SVEP1: variants seen among roughly 807,000 people sequenced by gnomAD.
SVEP1 encodes sushi, von Willebrand factor type A, EGF and pentraxin domain-containing protein 1.
A neutral mutation model predicts 367.3 loss-of-function variants in SVEP1; 164 were observed. The ratio of observed to expected loss-of-function variants is 0.45; its 90% confidence interval spans 0.39 to 0.51. The LOEUF (loss-of-function observed/expected upper bound fraction) is 0.51, where lower values mean the gene tolerates loss of function less well. SVEP1 is among the 20% of genes least tolerant of loss of function. The pLI is 0.00. For missense variants in SVEP1, 4,117 were observed against 4,425.3 expected (o/e 0.93, Z 1.98); for synonymous variants, 1,666 against 1,611.6 (o/e 1.03, Z -0.81).
intron 3 of SVEP1, among the ~76,000 whole-genome samples, chr9:110,537,772 C>T (rs1830095749): frequency 6.6e-6 from 1 of 151,612 alleles, no homozygotes. Context: ...TATGAATTAC[C>T]ATCTTTTAAA....
chr9:110,519,409 T>C (rs906621102), intron 3 of SVEP1, among the ~76,000 whole-genome samples: 12 of 152,204 alleles, frequency 7.9e-5, no homozygotes, highest in Admixed American at 7.9e-4. Context: ...CATTTCTGCC[T>C]TCCTGCTTCT....
chr9:110,458,968 G>A lies in SVEP1; in HGVS notation c.3468C>T (p.Ser1156=), dbSNP rs1828816974. Residue 1156 remains serine, a synonymous_variant, in exon 19 of 48, where the codon TCC becomes TCT. Transcript: ENST00000374469. ...TCATCTTACTTGAACATTCTGTGAT[G>A]GATCTGGAACCAGCGAATGGGGTAG... ...YGTTPFAGSR[S]ITECSSFSST... 2 of 1,612,940 alleles carry A rather than the reference G, an allele frequency of 1.2e-6. No individual in the cohort carries two copies. The highest frequency in any genetic ancestry group is 1.7e-6 in the Non-Finnish European group (2 of 1,179,274).
rs745539426 is a variant in SVEP1 at position 110,439,776 on chromosome 9, G to T, written c.4640-3272C>A. 6.2e-4 allele frequency among the ~76,000 whole-genome samples: 95 copies of T among 152,220 alleles called. 1 individual carries two copies. The highest frequency in any genetic ancestry group is 9.3e-4 in the Non-Finnish European group (63 of 68,018). ...AAGCAGACTAAGACAGCCACGAAGGGTGTCAATTGGAACTCTGCAATATTT... is the reference window on the plus strand; with the variant it reads ...AAGCAGACTAAGACAGCCACGAAGGTTGTCAATTGGAACTCTGCAATATTT... On this transcript the variant is annotated intron_variant, in intron 27 of 47. Coordinates refer to ENST00000374469, the MANE Select transcript of SVEP1 (RefSeq NM_153366.4).
rs1378171068 is a variant in SVEP1 at position 110,450,170 on chromosome 9, C to T, written c.3992G>A (p.Cys1331Tyr). ...VCEDQVGGFL[C>Y]KCPPGFLGTR... ...ACCCAAAAATCCAGGTGGGCATTTG[C>T]ACAAGAATCCCCCAACCTGGTCTTC... The change falls in exon 24 of 48, where the codon TGC (cysteine) becomes TAC (tyrosine). Residue 1331 changes from cysteine (C) to tyrosine (Y), a missense_variant. By Grantham distance (194) the Cys-to-Tyr change is radical. Around this residue, in one of 4 missense-constraint regions of SVEP1, gnomAD observed 2,174 missense variants for 2,494.3 expected, o/e 0.87. Coordinates refer to ENST00000374469, the MANE Select transcript of SVEP1 (RefSeq NM_153366.4). The T allele has an allele frequency of 1.2e-6, 2 of 1,613,874 alleles. No homozygotes were observed. Among genetic ancestry groups the T allele is most frequent in the African/African-American group, 1.3e-5 (1 of 75,012 alleles).
intron 1 of SVEP1, among the ~76,000 whole-genome samples, chr9:110,564,431 T>A (rs1250992428): frequency 6.6e-6 from 1 of 152,188 alleles, no homozygotes; most frequent in African/African-American, 2.4e-5. Flanking sequence ...ATACTTAGGC[T>A]TCAGCAACAA....
At chr9:110,368,780 T>C (rs188459216) in intron 47 of SVEP1, among the ~76,000 whole-genome samples, 1 of 152,324 alleles carries the variant, frequency 6.6e-6, no homozygotes, top group East Asian at 1.9e-4. Context: ...TATTTGTCCA[T>C]TTCAAATTTG....
chr9:110,476,892 T>C (rs7867337), intron 13 of SVEP1, among the ~76,000 whole-genome samples: 123,675 of 152,050 alleles, frequency 0.81, 50,615 homozygotes, highest in East Asian at 0.99. Context: ...AACTCCCTCA[T>C]ATCCCCTTAA....
intron 36 of SVEP1, among the ~76,000 whole-genome samples, chr9:110,413,580 G>T (rs910476089): frequency 1.3e-5 from 2 of 151,900 alleles, no homozygotes; most frequent in Middle Eastern, 3.2e-3. Flanking sequence ...TTCTGCATAT[G>T]GCTCTGCTAT....
At chr9:110,576,361 A>G (rs1052123938) in intron 1 of SVEP1, among the ~76,000 whole-genome samples, 117 of 152,174 alleles carry the variant, frequency 7.7e-4, no homozygotes. Context: ...GTGGGAATAC[A>G]AAGTCAAATT....
At position 110,431,973 on chromosome 9, in the gene SVEP1, A is replaced by G; in HGVS notation, c.5295T>C (p.Asp1765=). 6.2e-7 allele frequency: 1 copy of G among 1,613,710 alleles called. No homozygotes were observed. The highest frequency in any genetic ancestry group is 8.5e-7 in the Non-Finnish European group (1 of 1,179,714). Residue 1765 remains aspartate, a synonymous_variant, in exon 32 of 48, where the codon GAT becomes GAC. Transcript: ENST00000374469. ...GGACACATGAACATATGTAGGATCC[A>G]TCTACGTTCAGGCAAGAAGCATGCT... is the stretch of plus-strand genomic sequence containing the variant. The part of the protein sequence containing the change: ...CSEHASCLNV[D]GSYICSCVPP...
chr9:110,380,431 C>A (rs1179733289), intron 43 of SVEP1, among the ~76,000 whole-genome samples: 1 of 151,944 alleles, frequency 6.6e-6, no homozygotes, highest in Non-Finnish European at 1.5e-5. Context: ...AATTTTTTCC[C>A]CTCTAAGGTG....
intron 36 of SVEP1, among the ~76,000 whole-genome samples, chr9:110,413,833 T>C (rs7027372): frequency 0.67 from 101,178 of 151,818 alleles, 34,364 homozygotes; most frequent in African/African-American, 0.78. Flanking sequence ...AAATCTCTAA[T>C]ACCTGATTAG....
At chr9:110,545,360 C>CT (rs750902921) in intron 3 of SVEP1, among the ~76,000 whole-genome samples, 1 of 152,148 alleles carries the variant, frequency 6.6e-6, no homozygotes, top group Non-Finnish European at 1.5e-5. Flanking sequence ...TCCATAATGG[C>CT]TATGCTAATT....
intron 38 of SVEP1, among the ~76,000 whole-genome samples, 164 bp from the exon 39 acceptor site, chr9:110,404,716 C>T (rs1425422351): frequency 6.6e-6 from 1 of 152,090 alleles, no homozygotes; most frequent in East Asian, 1.9e-4. Flanking sequence ...CATGCAAAAA[C>T]ACCAACATAA....
intron 3 of SVEP1, among the ~76,000 whole-genome samples, chr9:110,528,399 G>A (rs1829973434): frequency 6.6e-6 from 1 of 151,446 alleles, no homozygotes; most frequent in Non-Finnish European, 1.5e-5. Context: ...TTTCCATAGA[G>A]GTTTTACTAC....
intron 43 of SVEP1, among the ~76,000 whole-genome samples, chr9:110,383,586 T>C (rs1827476258): frequency 6.6e-6 from 1 of 152,064 alleles, no homozygotes. Context: ...TCAGGAGGCA[T>C]GGGATCAGGG....
chr9:110,385,287 G>C (rs1387015799), intron 43 of SVEP1, among the ~76,000 whole-genome samples: 1 of 152,200 alleles, frequency 6.6e-6, no homozygotes, highest in Non-Finnish European at 1.5e-5. Flanking sequence ...AGCTGGCAGT[G>C]AGATGTTTTA....
chr9:110,563,880 G>GTA (rs1830458802), intron 1 of SVEP1, among the ~76,000 whole-genome samples: 1 of 152,080 alleles, frequency 6.6e-6, no homozygotes, highest in South Asian at 2.1e-4. Flanking sequence ...TAACTCTGTA[G>GTA]TACCTGTCTA....
At chr9:110,503,239 A>C (rs1829567438) in intron 5 of SVEP1, 22 bp from the exon 6 acceptor site, 4 of 1,596,078 alleles carry the variant, frequency 2.5e-6, no homozygotes, top group Non-Finnish European at 2.6e-6. Context: ...GAAAGCAATT[A>C]GATCACATTT....
Sources: gnomAD v4.1 joint callset for allele counts (sites outside exome capture counted in the v4.1 genomes callset) on GRCh38, gnomAD v4.1.1 for gene constraint, gnomAD v4.1.1 regional missense constraint, MANE v1.5 for transcripts, NCBI Gene and HGNC (gene_info 2026-07-23, HGNC 2026-07-21) for gene names.